Variants in RNF157 observed in about 807,000 individuals in gnomAD.
The protein encoded by RNF157 is E3 ubiquitin ligase RNF157.
A neutral mutation model predicts 88.3 loss-of-function variants in RNF157; 55 were observed. That is an observed-to-expected ratio of 0.62 (90% CI 0.50 to 0.78). The LOEUF is 0.78. Ranked by LOEUF, RNF157 falls within the 30% of genes least tolerant of loss-of-function variation. The pLI is 0.00. For missense variants in RNF157, 788 were observed against 860.8 expected (o/e 0.92, Z 1.06); for synonymous variants, 334 against 341.2 (o/e 0.98, Z 0.23).
chr17:76,147,742 T>G (rs2068606757), intron 18 of RNF157: 1 of 152,120 alleles, frequency 6.6e-6, no homozygotes. Context: ...GGAAAGTCAG[T>G]GTGGGTGCTG....
rs1241576830 is a variant in RNF157, at chr17:76,223,611, TTC to T, written c.89-11131_89-11130del. Among the ~76,000 whole-genome samples the T allele has an allele frequency of 2.0e-5, 3 of 152,350 alleles. No homozygotes were observed. The East Asian group carries it at 5.8e-4, about 29-fold the overall frequency. ...CCATATAAAACCCAAATTTTTTTCT[TTC>T]TGACAAACAGGAATTGTAAATCAAA... On this transcript the variant is annotated intron_variant, in intron 1 of 18. Coordinates refer to ENST00000269391, the MANE Select transcript of RNF157 (RefSeq NM_052916.3).
chr17:76,179,457 C>T (rs1353307248), intron 2 of RNF157, among the ~76,000 whole-genome samples: 5 of 151,870 alleles, frequency 3.3e-5, no homozygotes, highest in Admixed American at 1.3e-4. Context: ...TTTGGGAGGT[C>T]GAGGTGGGCA....
At chr17:76,177,719 G>A (rs1042572799) in intron 2 of RNF157, among the ~76,000 whole-genome samples, 2 of 152,084 alleles carry the variant, frequency 1.3e-5, no homozygotes, top group African/African-American at 4.8e-5. Context: ...AAAGGCCCAG[G>A]CTCAGCCAGA....
chr17:76,192,275 G>A (rs2069400057), intron 2 of RNF157, among the ~76,000 whole-genome samples: 1 of 152,200 alleles, frequency 6.6e-6, no homozygotes, highest in Non-Finnish European at 1.5e-5. Context: ...AGCACTTAGT[G>A]GCACTTTTCG....
rs185184860 is a variant in RNF157, at chr17:76,173,254, C to G, written c.296+448G>C. ...TGAGCCGAGATTGCGCCACTGCACT[C>G]CAGCCTGGGTGACAGAGCGAGACTC... On this transcript the variant is annotated intron_variant, in intron 3 of 18. Transcript: ENST00000269391. Among the ~76,000 whole-genome samples, 1,064 of 151,534 alleles carry G rather than the reference C, an allele frequency of 7.0e-3. 9 individuals carry two copies. The highest frequency in any genetic ancestry group is 0.024 in the African/African-American group (981 of 41,312).
intron 1 of RNF157, among the ~76,000 whole-genome samples, chr17:76,220,819 G>A (rs560048698): frequency 6.6e-6 from 1 of 152,028 alleles, no homozygotes; most frequent in Non-Finnish European, 1.5e-5. Flanking sequence ...TTAGCTGGGT[G>A]TGGTAGTGTG....
chr17:76,164,085 A>G (rs568346336), intron 8 of RNF157: 10 of 152,340 alleles, frequency 6.6e-5, no homozygotes, highest in African/African-American at 2.2e-4. Context: ...CAGCTGCTCT[A>G]CACCCTCCGT....
At chr17:76,231,587 TAGA>T (rs1309952767) in intron 1 of RNF157, among the ~76,000 whole-genome samples, 1 of 151,882 alleles carries the variant, frequency 6.6e-6, no homozygotes, top group Non-Finnish European at 1.5e-5. Flanking sequence ...AGCCCAGGAG[TAGA>T]AGATCAGCCT....
chr17:76,186,929 G>C (rs2069300496), intron 2 of RNF157, among the ~76,000 whole-genome samples: 2 of 146,448 alleles, frequency 1.4e-5, no homozygotes, highest in Non-Finnish European at 3.0e-5. Flanking sequence ...GACAGAATGA[G>C]ACTCCGACTC....
At position 76,240,229 on chromosome 17, in the gene RNF157, C is replaced by T; in HGVS notation, c.12G>A (p.Leu4=). Residue 4 remains leucine, a synonymous_variant, in exon 1 of 19, where the codon CTG becomes CTA. Transcript: ENST00000269391. This position sits in a 1 kb window ranked among gnomAD's most constrained non-coding sequence, Gnocchi z 4.4. MGA[L]TSRQHAGVEE... Reference sequence around the variant, plus strand: ...CCACGCCCGCGTGCTGCCGGCTCGTCAGGGCCCCCATGGCCGCTGCGGCTG... The same window carrying T: ...CCACGCCCGCGTGCTGCCGGCTCGTTAGGGCCCCCATGGCCGCTGCGGCTG... The T allele has an allele frequency of 1.5e-6, 2 of 1,362,672 alleles. No individual in the cohort carries two copies. Among genetic ancestry groups the T allele is most frequent in the Non-Finnish European group, 1.9e-6 (2 of 1,042,726 alleles). The allele number at this position is 1,362,672 out of a possible 1,614,324, so 84.4% of individuals were successfully genotyped here.
chr17:76,147,400 ACCG>A (rs1429886573), intron 18 of RNF157: 7 of 903,488 alleles, frequency 7.7e-6, no homozygotes, highest in Middle Eastern at 4.0e-4. Context: ...CACCACCACC[ACCG>A]CCGCCGCCAC....
At chr17:76,188,452 C>T (rs986102360) in intron 2 of RNF157, among the ~76,000 whole-genome samples, 1 of 152,196 alleles carries the variant, frequency 6.6e-6, no homozygotes, top group Non-Finnish European at 1.5e-5. Context: ...GATCATCTTT[C>T]AGGGCTTGTC....
chr17:76,211,220 C>T (rs1196034377), intron 2 of RNF157, among the ~76,000 whole-genome samples: 1 of 152,224 alleles, frequency 6.6e-6, no homozygotes, highest in African/African-American at 2.4e-5. Context: ...GCAGTAGTTG[C>T]TCAGTAAATG....
intron 2 of RNF157, among the ~76,000 whole-genome samples, chr17:76,181,333 C>CATACCA: frequency 6.6e-6 from 1 of 152,282 alleles, no homozygotes; most frequent in South Asian, 2.1e-4. Flanking sequence ...TGTACAAAAT[C>CATACCA]ATACCACGCA....
At chr17:76,156,462 C>T in intron 13 of RNF157, 141 bp from the exon 14 acceptor site, 3 of 1,457,506 alleles carry the variant, frequency 2.1e-6, no homozygotes, top group Non-Finnish European at 2.7e-6. Context: ...GCAGAGGCCG[C>T]AGCTTCTCTC....
At chr17:76,164,666 AGAGG>A (rs933912238) in intron 8 of RNF157, 78 bp downstream of exon 8, 2 of 793,412 alleles carry the variant, frequency 2.5e-6, no homozygotes, top group African/African-American at 3.6e-5. Flanking sequence ...AAATAAAAAA[AGAGG>A]GAGAGAGAAG....
chr17:76,214,510 C>T (rs1198154667), intron 1 of RNF157, among the ~76,000 whole-genome samples: 1 of 152,156 alleles, frequency 6.6e-6, no homozygotes, highest in East Asian at 1.9e-4. Flanking sequence ...TAACTTGCTG[C>T]AAACATTATT....
chr17:76,165,404 A>G, intron 7 of RNF157, 98 bp downstream of exon 7: 1 of 1,244,656 alleles, frequency 8.0e-7, no homozygotes, highest in East Asian at 2.3e-5. Context: ...AGCCAGACCC[A>G]TTCTGCTGAG....
In RNF157 at chr17:76,240,187, C is replaced by A. The variant is rs771634235; in HGVS notation, c.54G>T (p.Pro18=). 2 of 1,408,602 alleles carry A rather than the reference C, an allele frequency of 1.4e-6. No individual in the cohort carries two copies. Among genetic ancestry groups the A allele is most frequent in the Non-Finnish European group, 1.9e-6 (2 of 1,067,882 alleles). The allele number at this position is 1,408,602 out of a possible 1,614,324, so 87.3% of individuals were successfully genotyped here. Residue 18 remains proline, a synonymous_variant, in exon 1 of 19, where the codon CCG becomes CCT. Coordinates refer to ENST00000269391, the MANE Select transcript of RNF157 (RefSeq NM_052916.3). The surrounding 1 kb of genome is among the most constrained non-coding windows in gnomAD (Gnocchi z 4.4). ...GCGGGTAGCGGTACACGGAATTAGA[C>A]GGGATGTCCACCTCCTCCACGCCCG... is the stretch of plus-strand genomic sequence containing the variant. ...QHAGVEEVDI[P]SNSVYRYPPK...
Sources: allele counts gnomAD v4.1 joint callset (sites outside exome capture counted in the v4.1 genomes callset), GRCh38; gene constraint gnomAD v4.1.1; non-coding constraint Gnocchi (gnomAD v3.1); transcripts MANE v1.5; gene names NCBI Gene and HGNC (gene_info 2026-07-23, HGNC 2026-07-21).